KCTD19: variants seen among roughly 807,000 people sequenced by gnomAD.
KCTD19 encodes BTB/POZ domain-containing protein KCTD19.
Under a neutral mutation model 103.5 loss-of-function variants are expected in KCTD19, and 67 were observed. The ratio of observed to expected loss-of-function variants is 0.65; its 90% CI spans 0.53 to 0.79. The LOEUF (loss-of-function observed/expected upper bound fraction) is 0.79, where lower values mean the gene tolerates loss of function less well. Among genes scored for constraint, KCTD19 ranks in the 30% least tolerant of loss-of-function variants. The pLI is 0.00. For missense variants in KCTD19, 980 were observed against 1,136.1 expected, an observed-to-expected ratio of 0.86 and a Z score of 1.98; for synonymous variants, 439 against 452.2, an observed-to-expected ratio of 0.97 and a Z score of 0.37.
chr16:67,303,166 C>T lies in KCTD19; in HGVS notation c.623G>A (p.Cys208Tyr), dbSNP rs779765517. 14 of 1,424,960 alleles carry T rather than the reference C, an allele frequency of 9.8e-6. No homozygotes were observed. In the Admixed American group the frequency reaches 2.2e-4, roughly 23 times the overall value. The allele number at this position is 1,424,960 out of a possible 1,614,324, so 88.3% of individuals were successfully genotyped here. ...AETVALIECE[C>Y]SEFRFIVNFL... is the part of the protein sequence containing the mutation. ...ATCACCAATGAAGCGGAACTCGCTG[C>T]ACTCGCACTCGATGAGGGCCACCGT... Residue 208 changes from cysteine (C) to tyrosine (Y), a missense_variant, in exon 4 of 16, where the codon TGC (cysteine) becomes TAC (tyrosine). By Grantham distance (194) the Cys-to-Tyr change is radical. Coordinates refer to ENST00000304372, the MANE Select transcript of KCTD19 (RefSeq NM_001100915.3). The surrounding 1 kb of genome is among the most constrained non-coding windows in gnomAD (Gnocchi z 4.3).
At chr16:67,292,296 C>T (rs1597391956) in intron 12 of KCTD19, among the ~76,000 whole-genome samples, 1 of 152,362 alleles carries the variant, frequency 6.6e-6, no homozygotes, top group Non-Finnish European at 1.5e-5. Context: ...AGCCTTGCAA[C>T]AGCTGCCACC....
Position 67,293,767 on chromosome 16 carries a change from C to T in KCTD19, c.1995G>A (p.Glu665=), listed in dbSNP as rs781776908. ...LTATRSSPLE[E]ATLQLPLGSE... ...TTCCCAAGGGGAGCTGCAGGGTGGC[C>T]TCCTCCAAGGGGCTGCTCCGTGTGG... is the stretch of plus-strand genomic sequence containing the variant. The change falls in exon 12 of 16, where the codon GAG becomes GAA. Residue 665 remains glutamate, a synonymous_variant. Transcript: ENST00000304372. The surrounding 1 kb of genome is among the most constrained non-coding windows in gnomAD (Gnocchi z 4.0). 3 of 1,613,902 alleles carry T rather than the reference C, an allele frequency of 1.9e-6. 1 individual carries two copies. The South Asian group carries it at 3.3e-5, about 18-fold the overall frequency.
At position 67,293,940 on chromosome 16, in the gene KCTD19, G is replaced by T. The variant is rs758634198; in HGVS notation, c.1822C>A (p.Pro608Thr). 1.2e-6 allele frequency: 2 copies of T among 1,614,146 alleles called. No individual in the cohort carries two copies. The highest frequency in any genetic ancestry group is 4.5e-5 in the East Asian group (2 of 44,866). ...PGHWGSHPES[P>T]PKKKCTTINL... The stretch of plus-strand genomic sequence containing the variant: ...ATTGTGGTGCATTTCTTCTTTGGGG[G>T]GCTCTCAGGGTGGCTCCCCCAGTGT... The change falls in exon 12 of 16, where the codon CCC (proline) becomes ACC (threonine). Residue 608 changes from proline (P) to threonine (T), a missense_variant. Transcript: ENST00000304372. The surrounding 1 kb of genome is among the most constrained non-coding windows in gnomAD (Gnocchi z 4.0).
chr16:67,325,748 C>T (rs546815550), intron 1 of KCTD19, among the ~76,000 whole-genome samples: 2 of 152,190 alleles, frequency 1.3e-5, no homozygotes, highest in South Asian at 4.1e-4. Context: ...CACAGGCAAG[C>T]TTAGGGGAAC....
intron 5 of KCTD19, 111 bp downstream of exon 5, chr16:67,301,680 C>T: frequency 1.0e-6 from 1 of 1,004,328 alleles, no homozygotes. Context: ...AAACCCAATC[C>T]TCTCACTAAC....
chr16:67,289,745 G>T, intron 15 of KCTD19, 63 bp from the exon 16 acceptor site: 2 of 1,267,360 alleles, frequency 1.6e-6, no homozygotes, highest in East Asian at 2.3e-5. Flanking sequence ...AGCTCCATGT[G>T]GGTGGGGTTC....
rs181851836 is a variant in KCTD19, at chr16:67,309,108, G to A, written c.301-4537C>T. Among the ~76,000 whole-genome samples the A allele has an allele frequency of 6.6e-5, 9 of 136,704 alleles. No homozygotes were observed. The East Asian group carries it at 1.3e-3, about 19-fold the overall frequency. 89.7% of individuals were successfully genotyped at this position (136,704 alleles called of 152,430 possible). ...CATGCCACTGCACTCAAGCCTAGGA[G>A]ACAGAGCGAGACTTCAGCTCAAAAA... On this transcript the variant is annotated intron_variant, in intron 2 of 15. Coordinates refer to ENST00000304372, the MANE Select transcript of KCTD19 (RefSeq NM_001100915.3).
In KCTD19 at chr16:67,295,533, T is replaced by A. The variant is rs983828640; in HGVS notation, c.1249-128A>T. ...GGCTTTGAGATTCCATTTCCCTGTC[T>A]TGTCAGTCACAAGGAACCATGGTGG... On this transcript the variant is annotated intron_variant, in intron 8 of 15. Coordinates refer to ENST00000304372, the MANE Select transcript of KCTD19 (RefSeq NM_001100915.3). 4.5e-6 allele frequency: 4 copies of A among 893,820 alleles called. No homozygotes were observed. The African/African-American group carries it at 5.1e-5, about 11-fold the overall frequency. 55.4% of individuals were successfully genotyped at this position (893,820 alleles called of 1,614,324 possible). A position where few individuals can be genotyped will look rare whatever the true frequency, so the allele number is the denominator to read the frequency against.
intron 15 of KCTD19, among the ~76,000 whole-genome samples, chr16:67,290,080 G>A (rs952191569): frequency 1.3e-5 from 2 of 151,450 alleles, no homozygotes; most frequent in South Asian, 2.1e-4. Flanking sequence ...AAATCGTTTC[G>A]GCCTCAATGT....
chr16:67,295,247 T>A lies in KCTD19; in HGVS notation c.1391+16A>T, dbSNP rs747129181. On this transcript the variant is annotated intron_variant, in intron 9 of 15. Transcript: ENST00000304372. ...GCCTTCGTGATTTCATCTTACTGCG[T>A]CCTTGCTTCACTTACTTAAATTCAG... 1 of 1,613,340 alleles carries A rather than the reference T, an allele frequency of 6.2e-7. No homozygotes were observed. The highest frequency in any genetic ancestry group is 8.5e-7 in the Non-Finnish European group (1 of 1,179,324).
At position 67,296,144 on chromosome 16, in the gene KCTD19, C is replaced by T. The variant is rs368892144; in HGVS notation, c.1248+15G>A. 3.1e-5 allele frequency: 48 copies of T among 1,537,338 alleles called. No individual in the cohort carries two copies. Among genetic ancestry groups the T allele is most frequent in the Admixed American group, 5.0e-5 (3 of 59,902 alleles). On this transcript the variant is annotated intron_variant, in intron 8 of 15. Coordinates refer to ENST00000304372, the MANE Select transcript of KCTD19 (RefSeq NM_001100915.3). ...GATGCCAGATGGGGAGCAGGGCAGCCGAGGCCGTCAGTACCTTCAGCAGTG... is the reference window on the plus strand; with the variant it reads ...GATGCCAGATGGGGAGCAGGGCAGCTGAGGCCGTCAGTACCTTCAGCAGTG...
At chr16:67,322,840 TAAAGAACTCTTA>T (rs1291045892) in intron 1 of KCTD19, among the ~76,000 whole-genome samples, 2 of 152,090 alleles carry the variant, frequency 1.3e-5, no homozygotes, top group Non-Finnish European at 2.9e-5. Flanking sequence ...TTAGAATATA[TAAAGAACTCTTA>T]AACTCAATAA....
chr16:67,302,026 C>A, intron 4 of KCTD19, 104 bp from the exon 5 acceptor site: 1 of 1,045,114 alleles, frequency 9.6e-7, no homozygotes, highest in South Asian at 1.4e-5. Context: ...ATCCTAGGTT[C>A]TCCTTGTTCT....
At position 67,320,831 on chromosome 16, in the gene KCTD19, C is replaced by T; in HGVS notation, c.58G>A (p.Gly20Arg). Residue 20 changes from glycine to arginine, a missense_variant, in exon 2 of 16, where the codon GGG becomes AGG. Gly to Arg is a moderately radical substitution (Grantham distance 125). Coordinates refer to ENST00000304372, the MANE Select transcript of KCTD19 (RefSeq NM_001100915.3). The surrounding 1 kb of genome is among the most constrained non-coding windows in gnomAD (Gnocchi z 4.0). ...SAEDLFHFNVGGWHFSVPRSK... is the reference protein window; with the variant it reads ...SAEDLFHFNVRGWHFSVPRSK... ...CTGGGAACTGAGAAATGCCAGCCCCCTACGTTGAAATGAAACAAGTCCTCT... is the reference window on the plus strand; with the variant it reads ...CTGGGAACTGAGAAATGCCAGCCCCTTACGTTGAAATGAAACAAGTCCTCT... The T allele has an allele frequency of 6.2e-7, 1 of 1,614,088 alleles. No homozygotes were observed.
intron 1 of KCTD19, among the ~76,000 whole-genome samples, chr16:67,324,452 AAGAC>A (rs1453059617): frequency 6.6e-6 from 1 of 152,254 alleles, no homozygotes; most frequent in Non-Finnish European, 1.5e-5. Flanking sequence ...GAATTTAAAA[AAGAC>A]AGATTGATGG....
At chr16:67,314,820 TATATATATATAGAGAGAGAG>T (rs199820465) in intron 2 of KCTD19, among the ~76,000 whole-genome samples, 46 of 84,936 alleles carry the variant, frequency 5.4e-4, no homozygotes, top group African/African-American at 2.0e-3. Flanking sequence ...TATATATATA[TATATATATATAGAGAGAGAG>T]AGAGAGAGAG....
chr16:67,298,103 C>T (rs1160620974), intron 6 of KCTD19, among the ~76,000 whole-genome samples: 1 of 151,456 alleles, frequency 6.6e-6, no homozygotes, highest in African/African-American at 2.4e-5. Context: ...ATGCCATTCT[C>T]CTACCTCAGC....
In KCTD19 at chr16:67,320,647, G is replaced by C; in HGVS notation, c.242C>G (p.Ala81Gly). The C allele has an allele frequency of 6.2e-7, 1 of 1,614,206 alleles. No homozygotes were observed. Among genetic ancestry groups the C allele is most frequent in the Non-Finnish European group, 8.5e-7 (1 of 1,180,042 alleles). ...TTGCTCATACAGCAAGTTCAGTTCT[G>C]CACAACTGGAGAAGGAGAGTTTGGA... ...YTSKLSFSSCAELNLLYEQAL... is the reference protein window; with the variant it reads ...YTSKLSFSSCGELNLLYEQAL... Residue 81 changes from alanine (A) to glycine (G), a missense_variant, in exon 2 of 16, where the codon GCA (alanine) becomes GGA (glycine). Physicochemically the swap from Ala to Gly is moderately conservative, Grantham distance 60. Transcript: ENST00000304372. This position sits in a 1 kb window ranked among gnomAD's most constrained non-coding sequence, Gnocchi z 4.0.
chr16:67,298,713 C>T (rs906523060), intron 6 of KCTD19, among the ~76,000 whole-genome samples: 3 of 152,250 alleles, frequency 2.0e-5, no homozygotes, highest in Non-Finnish European at 4.4e-5. Flanking sequence ...CTGACCCTCT[C>T]CCAGGGGCTC....
Sources: gnomAD v4.1 joint callset for allele counts (sites outside exome capture counted in the v4.1 genomes callset) on GRCh38, gnomAD v4.1.1 for gene constraint, Gnocchi (gnomAD v3.1) non-coding constraint, MANE v1.5 for transcripts, NCBI Gene and HGNC (gene_info 2026-07-23, HGNC 2026-07-21) for gene names.